FAM135B: variants seen among roughly 807,000 people sequenced by gnomAD.
The protein encoded by FAM135B is protein FAM135B.
In FAM135B, 43 loss-of-function variants were observed where a neutral mutation model predicts 127.7. That is an observed-to-expected ratio of 0.34 (90% CI 0.26 to 0.43). The LOEUF is 0.43. Among genes scored for constraint, FAM135B ranks in the 20% least tolerant of loss-of-function variants. The pLI is 1.00. For missense variants in FAM135B, 1,558 were observed against 1,725.6 expected (o/e 0.90, Z 1.72); for synonymous variants, 670 against 665.1 (o/e 1.01, Z -0.11).
At position 138,131,018 on chromosome 8, in the gene FAM135B, C is replaced by T. The variant is rs1345540322; in HGVS notation, c.*1575G>A. 1 of 152,258 alleles carries T rather than the reference C, an allele frequency of 6.6e-6. No homozygotes were observed. The highest frequency in any genetic ancestry group is 1.9e-4 in the East Asian group (1 of 5,192). The allele number at this position is 152,258 out of a possible 1,614,324, so 9.4% of individuals were successfully genotyped here. Reference sequence around the variant, plus strand: ...TCTTCAAAAGAATACCACATGTCTACACTCCTGCAAAGCTGCCCATCTGGA... The same window carrying T: ...TCTTCAAAAGAATACCACATGTCTATACTCCTGCAAAGCTGCCCATCTGGA... On this transcript the variant is annotated 3_prime_UTR_variant, in exon 20 of 20. Transcript: ENST00000395297.
At chr8:138,201,486 A>G (rs548514280) in intron 7 of FAM135B, among the ~76,000 whole-genome samples, 5 of 152,298 alleles carry the variant, frequency 3.3e-5, no homozygotes, top group African/African-American at 1.2e-4. Flanking sequence ...CAAAACAAAA[A>G]AACTTCCATT....
Position 138,241,260 on chromosome 8 carries a change from G to A in FAM135B, c.669+1682C>T, listed in dbSNP as rs1820746482. Among the ~76,000 whole-genome samples the A allele has an allele frequency of 6.6e-6, 1 of 152,070 alleles. No homozygotes were observed. The highest frequency in any genetic ancestry group is 1.5e-5 in the Non-Finnish European group (1 of 68,016). On this transcript the variant is annotated intron_variant, in intron 7 of 19. Transcript: ENST00000395297. This position sits in a 1 kb window ranked among gnomAD's most constrained non-coding sequence, Gnocchi z 4.8. Reference sequence around the variant, plus strand: ...TTACTCATTCACTTCCTATGTGCTGGGCCCTGCGTCAGTGCTAAGGACGTC... The same window carrying A: ...TTACTCATTCACTTCCTATGTGCTGAGCCCTGCGTCAGTGCTAAGGACGTC...
At chr8:138,380,604 G>T (rs909765366) in intron 1 of FAM135B, among the ~76,000 whole-genome samples, 2 of 152,030 alleles carry the variant, frequency 1.3e-5, no homozygotes, top group African/African-American at 4.8e-5. Context: ...GCCCAGAAAA[G>T]GGAGTGGTTT....
chr8:138,384,251 AC>A (rs1458101129), intron 1 of FAM135B, among the ~76,000 whole-genome samples: 1 of 152,084 alleles, frequency 6.6e-6, no homozygotes, highest in Non-Finnish European at 1.5e-5. Flanking sequence ...AAGTGACTGA[AC>A]CCATCAAGGG....
chr8:138,366,711 G>T (rs16908952), intron 2 of FAM135B, among the ~76,000 whole-genome samples: 6 of 152,046 alleles, frequency 3.9e-5, no homozygotes, highest in Admixed American at 2.0e-4. Context: ...TTAAACTCAG[G>T]GTTGTCTTTT....
chr8:138,151,605 C>A lies in FAM135B; in HGVS notation c.2870G>T (p.Ser957Ile). Residue 957 changes from serine (S) to isoleucine (I), a missense_variant, in exon 13 of 20, where the codon AGC becomes ATC. Physicochemically the swap from Ser to Ile is moderately radical, Grantham distance 142. Transcript: ENST00000395297. ...NRNSTGQQSQ[S>I]GSPCIMDDTA... ...GTCATCCATAATGCAAGGTGAACCG[C>A]TTTGGCTTTGCTGGCCTGTTGAGTT... The A allele has an allele frequency of 6.2e-7, 1 of 1,614,168 alleles. No individual in the cohort carries two copies.
intron 3 of FAM135B, among the ~76,000 whole-genome samples, chr8:138,286,762 C>T (rs1460558779): frequency 6.6e-6 from 1 of 152,150 alleles, no homozygotes; most frequent in African/African-American, 2.4e-5. Context: ...ACAAAATGGA[C>T]ATCCAAGGCA....
At chr8:138,471,750 T>C (rs1837687331) in intron 1 of FAM135B, among the ~76,000 whole-genome samples, 1 of 152,078 alleles carries the variant, frequency 6.6e-6, no homozygotes, top group African/African-American at 2.4e-5. Context: ...GGATTTGCAT[T>C]TACCATAAAA....
intron 1 of FAM135B, among the ~76,000 whole-genome samples, chr8:138,409,810 G>A (rs376136584): frequency 5.4e-5 from 8 of 148,564 alleles, no homozygotes; most frequent in African/African-American, 2.0e-4. Flanking sequence ...AAGAGGCGGA[G>A]CTTGCAGTGA....
At position 138,132,916 on chromosome 8, in the gene FAM135B, T is replaced by C; in HGVS notation, c.4016-118A>G. ...TGGGCAGACCTGTTATACAGCAGTT[T>C]CCAACCTCTTCCTAATGTTAGTGAA... On this transcript the variant is annotated intron_variant, in intron 19 of 19. Coordinates refer to ENST00000395297, the MANE Select transcript of FAM135B (RefSeq NM_015912.4). This position sits in a 1 kb window ranked among gnomAD's most constrained non-coding sequence, Gnocchi z 4.5. 1 of 781,644 alleles carries C rather than the reference T, an allele frequency of 1.3e-6. No individual in the cohort carries two copies. Among genetic ancestry groups the C allele is most frequent in the Non-Finnish European group, 2.2e-6 (1 of 456,016 alleles). The allele number at this position is 781,644 out of a possible 1,614,324, so 48.4% of individuals were successfully genotyped here.
chr8:138,454,053 TG>T (rs977863225), intron 1 of FAM135B, among the ~76,000 whole-genome samples: 37 of 151,954 alleles, frequency 2.4e-4, no homozygotes, highest in African/African-American at 8.7e-4. Flanking sequence ...CAGGACCAGG[TG>T]GGGGTCACTG....
chr8:138,255,270 CAAAGGA>C (rs1821990427), intron 5 of FAM135B, among the ~76,000 whole-genome samples: 1 of 152,198 alleles, frequency 6.6e-6, no homozygotes, highest in African/African-American at 2.4e-5. Context: ...CCCCATTCTC[CAAAGGA>C]AAAGGGGAAA....
chr8:138,206,013 G>C (rs1382164611), intron 7 of FAM135B, among the ~76,000 whole-genome samples: 2 of 148,858 alleles, frequency 1.3e-5, no homozygotes, highest in South Asian at 4.3e-4. Flanking sequence ...ACCTATGCAA[G>C]ACTCCAGCAT....
intron 4 of FAM135B, among the ~76,000 whole-genome samples, chr8:138,257,697 G>A (rs1386613070): frequency 3.9e-5 from 6 of 151,990 alleles, no homozygotes; most frequent in South Asian, 2.1e-4. Context: ...GGTATTTAAC[G>A]GTGCCTATTA....
At position 138,496,767 on chromosome 8, in the gene FAM135B, C is replaced by T; in HGVS notation, c.-116G>A. 6.5e-6 allele frequency: 1 copy of T among 153,202 alleles called. No homozygotes were observed. The highest frequency in any genetic ancestry group is 1.5e-5 in the Non-Finnish European group (1 of 68,916). The allele number at this position is 153,202 out of a possible 1,614,324, so 9.5% of individuals were successfully genotyped here. On this transcript the variant is annotated 5_prime_UTR_variant, in exon 1 of 20. Coordinates refer to ENST00000395297, the MANE Select transcript of FAM135B (RefSeq NM_015912.4). Reference sequence around the variant, plus strand: ...CGCCGTCTCTGGCCGCCAACAGTTGCGGCGGCGGCGGCGGCGGGCGGACTG... The same window carrying T: ...CGCCGTCTCTGGCCGCCAACAGTTGTGGCGGCGGCGGCGGCGGGCGGACTG...
At chr8:138,475,661 C>G (rs1337937758) in intron 1 of FAM135B, among the ~76,000 whole-genome samples, 2 of 152,188 alleles carry the variant, frequency 1.3e-5, no homozygotes, top group African/African-American at 4.8e-5. Flanking sequence ...TAGTTCAGGA[C>G]CTCACTAATT....
chr8:138,462,190 G>GTACATACATATATA (rs1442749276), intron 1 of FAM135B, among the ~76,000 whole-genome samples: 1 of 152,004 alleles, frequency 6.6e-6, no homozygotes, highest in Non-Finnish European at 1.5e-5. Flanking sequence ...CCACATATAT[G>GTACATACATATATA]TATATATGTA....
At chr8:138,415,576 C>T (rs1282867886) in intron 1 of FAM135B, among the ~76,000 whole-genome samples, 2 of 152,320 alleles carry the variant, frequency 1.3e-5, no homozygotes, top group Middle Eastern at 6.8e-3. Flanking sequence ...AGGAGGGAAG[C>T]TCAGGTCTCC....
At chr8:138,385,934 T>G (rs1430461702) in intron 1 of FAM135B, among the ~76,000 whole-genome samples, 1 of 151,058 alleles carries the variant, frequency 6.6e-6, no homozygotes, top group African/African-American at 2.4e-5. Flanking sequence ...CTTCAAAACC[T>G]AACCCAGCCA....
Sources: gnomAD v4.1 joint callset for allele counts (sites outside exome capture counted in the v4.1 genomes callset) on GRCh38, gnomAD v4.1.1 for gene constraint, Gnocchi (gnomAD v3.1) non-coding constraint, MANE v1.5 for transcripts, NCBI Gene and HGNC (gene_info 2026-07-23, HGNC 2026-07-21) for gene names.